ATP2B2: variants seen among roughly 807,000 people sequenced by gnomAD.
ATP2B2 encodes the protein plasma membrane calcium-transporting ATPase 2.
Under a neutral mutation model 120.0 loss-of-function variants are expected in ATP2B2, and 15 were observed. That is an observed-to-expected ratio of 0.12 (90% CI 0.08 to 0.19). ATP2B2 has a LOEUF of 0.19. ATP2B2 is among the 10% of genes least tolerant of loss of function. The pLI is 1.00. For missense variants in ATP2B2, 1,045 were observed against 1,719.8 expected, an observed-to-expected ratio of 0.61 and a Z score of 6.94; for synonymous variants, 694 against 700.3, an observed-to-expected ratio of 0.99 and a Z score of 0.14.
chr3:10,405,329 C>T lies in ATP2B2; in HGVS notation c.398-2981G>A, dbSNP rs143040210. Among the ~76,000 whole-genome samples the T allele has an allele frequency of 2.5e-3, 384 of 152,276 alleles. 3 individuals are homozygous for T. Among genetic ancestry groups the T allele is most frequent in the African/African-American group, 9.0e-3 (372 of 41,542 alleles). On this transcript the variant is annotated intron_variant, in intron 3 of 22. Coordinates refer to ENST00000360273, the MANE Select transcript of ATP2B2 (RefSeq NM_001001331.4). Reference sequence around the variant, plus strand: ...CCTTGCTGACTCAATACCAAGGAACCCTCTGGGCCTTGGAGGGCACTCACT... The same window carrying T: ...CCTTGCTGACTCAATACCAAGGAACTCTCTGGGCCTTGGAGGGCACTCACT...
intron 2 of ATP2B2, among the ~76,000 whole-genome samples, chr3:10,549,309 C>T (rs977940635): frequency 1.3e-5 from 2 of 152,106 alleles, no homozygotes; most frequent in African/African-American, 4.8e-5. Context: ...TTCTATCTTC[C>T]CTGGACTCTG....
intron 3 of ATP2B2, among the ~76,000 whole-genome samples, chr3:10,517,564 G>C (rs2066901124): frequency 6.6e-6 from 1 of 152,148 alleles, no homozygotes; most frequent in Non-Finnish European, 1.5e-5. Flanking sequence ...AATGACAATA[G>C]CATTGATGAT....
intron 1 of ATP2B2, among the ~76,000 whole-genome samples, chr3:10,661,254 C>T (rs1268231713): frequency 6.6e-6 from 1 of 151,880 alleles, no homozygotes; most frequent in African/African-American, 2.4e-5. Flanking sequence ...CGAGGGCAAT[C>T]AGGCAGGAGA....
intron 1 of ATP2B2, among the ~76,000 whole-genome samples, chr3:10,485,346 C>G (rs2065600422): frequency 6.6e-6 from 1 of 152,190 alleles, no homozygotes; most frequent in African/African-American, 2.4e-5. Flanking sequence ...GGTGACAGGG[C>G]TGGGAGCTTT....
At chr3:10,448,204 T>C (rs2063906156) in intron 2 of ATP2B2, among the ~76,000 whole-genome samples, 1 of 152,206 alleles carries the variant, frequency 6.6e-6, no homozygotes, top group Non-Finnish European at 1.5e-5. Flanking sequence ...GTGGTAGATA[T>C]CTGGGGAAGG....
chr3:10,437,219 G>A (rs2063505074), intron 2 of ATP2B2, among the ~76,000 whole-genome samples: 1 of 150,000 alleles, frequency 6.7e-6, no homozygotes, highest in African/African-American at 2.5e-5. Context: ...CCCTCTCTGG[G>A]CCTCAGCTTC....
At chr3:10,615,273 G>A (rs2069354524) in intron 2 of ATP2B2, among the ~76,000 whole-genome samples, 1 of 152,202 alleles carries the variant, frequency 6.6e-6, no homozygotes, top group Admixed American at 6.5e-5. Flanking sequence ...TCAGGGACAG[G>A]TGTAGGAGCG....
intron 3 of ATP2B2, among the ~76,000 whole-genome samples, chr3:10,530,352 A>C (rs2067185410): frequency 2.0e-5 from 3 of 152,250 alleles, no homozygotes; most frequent in African/African-American, 7.2e-5. Context: ...CTGAGGTGAG[A>C]AGCACTTAAG....
intron 2 of ATP2B2, among the ~76,000 whole-genome samples, chr3:10,433,967 A>G (rs2063400427): frequency 6.6e-6 from 1 of 152,058 alleles, no homozygotes; most frequent in South Asian, 2.1e-4. Flanking sequence ...ACTGCTATAT[A>G]CCTAGCTCCT....
intron 1 of ATP2B2, among the ~76,000 whole-genome samples, chr3:10,644,675 T>C (rs2070273478): frequency 6.6e-6 from 1 of 152,210 alleles, no homozygotes; most frequent in African/African-American, 2.4e-5. Flanking sequence ...TCTATTTATA[T>C]GCAATGTCTA....
intron 1 of ATP2B2, among the ~76,000 whole-genome samples, chr3:10,496,954 G>A (rs1356431087): frequency 1.3e-5 from 2 of 152,218 alleles, no homozygotes; most frequent in African/African-American, 4.8e-5. Flanking sequence ...GGCTTTTGCT[G>A]TCTCCAGGAG....
chr3:10,541,549 A>C (rs1048369512), intron 2 of ATP2B2, among the ~76,000 whole-genome samples: 2 of 152,172 alleles, frequency 1.3e-5, no homozygotes, highest in Non-Finnish European at 2.9e-5. Flanking sequence ...TGCATTATTT[A>C]GTTTCTAAGT....
At chr3:10,610,956 C>G (rs1559485540) in intron 2 of ATP2B2, among the ~76,000 whole-genome samples, 2 of 152,320 alleles carry the variant, frequency 1.3e-5, no homozygotes, top group East Asian at 3.9e-4. Flanking sequence ...GTGCATCCTG[C>G]CCGGCTGGGC....
At chr3:10,332,511 C>T (rs27380) in intron 22 of ATP2B2, among the ~76,000 whole-genome samples, 108,901 of 152,126 alleles carry the variant, frequency 0.72, 39,909 homozygotes, top group East Asian at 0.99. Flanking sequence ...TTGTCCTTGA[C>T]CACCAGTGGG....
chr3:10,567,811 G>C (rs1036905100), intron 2 of ATP2B2, among the ~76,000 whole-genome samples: 1 of 152,082 alleles, frequency 6.6e-6, no homozygotes, highest in East Asian at 1.9e-4. Context: ...CTGAGACTGC[G>C]TTTCATCCAC....
intron 5 of ATP2B2, among the ~76,000 whole-genome samples, chr3:10,394,725 T>C (rs2061976884): frequency 6.6e-6 from 1 of 151,328 alleles, no homozygotes; most frequent in East Asian, 2.0e-4. Flanking sequence ...GGTTTACCGA[T>C]GTCCTGCATG....
intron 1 of ATP2B2, among the ~76,000 whole-genome samples, chr3:10,641,818 T>C (rs1575585556): frequency 6.6e-6 from 1 of 152,286 alleles, no homozygotes; most frequent in Non-Finnish European, 1.5e-5. Context: ...CCACTGTGTC[T>C]GGTTGACTCA....
intron 2 of ATP2B2, among the ~76,000 whole-genome samples, chr3:10,551,983 C>T (rs900379777): frequency 6.6e-6 from 1 of 152,232 alleles, no homozygotes; most frequent in African/African-American, 2.4e-5. Flanking sequence ...GAAATGTAGC[C>T]ATGCCTATCA....
chr3:10,553,958 A>C (rs1239124039), intron 2 of ATP2B2, among the ~76,000 whole-genome samples: 2 of 141,188 alleles, frequency 1.4e-5, no homozygotes, highest in African/African-American at 2.6e-5. Flanking sequence ...AAGAAGCAAG[A>C]GATTATAATG....
Sources: allele counts gnomAD v4.1 joint callset (sites outside exome capture counted in the v4.1 genomes callset), GRCh38; gene constraint gnomAD v4.1.1; transcripts MANE v1.5; gene names NCBI Gene and HGNC (gene_info 2026-07-23, HGNC 2026-07-21).